The following PYGB variants were observed in gnomAD, a reference collection of about 807,000 sequenced individuals.
The protein encoded by PYGB is glycogen phosphorylase B, also known as glycogen phosphorylase, brain form.
PYGB carries 82 observed loss-of-function variants against 94.3 expected under a neutral mutation model. The observed-to-expected ratio is 0.87, with a 90% CI of 0.73 to 1.04. The LOEUF (loss-of-function observed/expected upper bound fraction) is 1.04, where lower values mean the gene tolerates loss of function less well. PYGB is among the 50% of genes least tolerant of loss of function. The pLI is 0.00. For missense variants in PYGB, 1,132 were observed against 1,158.2 expected (o/e 0.98, Z 0.33); for synonymous variants, 488 against 479.1 (o/e 1.02, Z -0.24).
At chr20:25,264,870 C>A (rs973581067) in intron 2 of PYGB, among the ~76,000 whole-genome samples, 3 of 152,154 alleles carry the variant, frequency 2.0e-5, no homozygotes, top group African/African-American at 7.2e-5. Flanking sequence ...TTTATAGATT[C>A]AACGCCATCC....
Position 25,248,404 on chromosome 20 carries a change from T to A in PYGB, c.226T>A (p.Tyr76Asn). ...CTGGATCCGCACGCAGCAGCACTAC[T>A]ACGAGCGCGACCCCAAGGTGAGGCG... is the stretch of plus-strand genomic sequence containing the variant. ...GRWIRTQQHY[Y>N]ERDPKRIYYL... Residue 76 changes from tyrosine to asparagine, a missense_variant, in exon 1 of 20, where the codon TAC (tyrosine) becomes AAC (asparagine). Tyr to Asn is a moderately radical substitution (Grantham distance 143). Coordinates refer to ENST00000216962, the MANE Select transcript of PYGB (RefSeq NM_002862.4). 6.4e-7 allele frequency: 1 copy of A among 1,551,384 alleles called. No homozygotes were observed. Among genetic ancestry groups the A allele is most frequent in the Non-Finnish European group, 8.7e-7 (1 of 1,148,386 alleles).
chr20:25,249,272 A>G (rs575406941), intron 1 of PYGB, among the ~76,000 whole-genome samples: 71 of 152,336 alleles, frequency 4.7e-4, no homozygotes, highest in Non-Finnish European at 8.2e-4. Flanking sequence ...AAACATTTGT[A>G]ACTTTTTCAC....
intron 15 of PYGB, chr20:25,289,797 A>G (rs2088449281): frequency 1.9e-6 from 1 of 533,132 alleles, no homozygotes; most frequent in Non-Finnish European, 3.9e-6. Context: ...ATACGTCAGC[A>G]TTCCTTTTCA....
rs763681247 is a variant in PYGB, at chr20:25,284,236, G to A, written c.1753G>A (p.Val585Ile). 12 of 1,613,624 alleles carry A rather than the reference G, an allele frequency of 7.4e-6. No individual in the cohort carries two copies. Among genetic ancestry groups the A allele is most frequent in the African/African-American group, 2.7e-5 (2 of 74,914 alleles). Residue 585 changes from valine to isoleucine, a missense_variant, in exon 14 of 20, where the codon GTC becomes ATC. Val to Ile is a conservative substitution (Grantham distance 29). Coordinates refer to ENST00000216962, the MANE Select transcript of PYGB (RefSeq NM_002862.4). ...KRQLLNCLHV[V>I]TLYNRIKRDP... The stretch of plus-strand genomic sequence containing the variant: ...GCAGCTGCTCAACTGCCTGCACGTC[G>A]TCACCCTGTACAATCGTGAGTGCCG...
chr20:25,270,404 G>A (rs561147353), intron 3 of PYGB, among the ~76,000 whole-genome samples: 145 of 151,940 alleles, frequency 9.5e-4, no homozygotes, highest in African/African-American at 3.3e-3. Flanking sequence ...GGGTTTCACC[G>A]TATTAGCCAG....
rs201722174 is a variant in PYGB, at chr20:25,284,133, G to A, written c.1650G>A (p.Leu550=). 3 of 1,614,092 alleles carry A rather than the reference G, an allele frequency of 1.9e-6. No homozygotes were observed. Among genetic ancestry groups the A allele is most frequent in the Admixed American group, 3.3e-5 (2 of 60,018 alleles). Residue 550 remains leucine, a synonymous_variant, in exon 14 of 20, where the codon CTG becomes CTA. Coordinates refer to ENST00000216962, the MANE Select transcript of PYGB (RefSeq NM_002862.4). ...QENKLKFSAF[L]EKEYKVKINP... ...ACAAGCTCAAGTTCTCGGCCTTCCT[G>A]GAGAAGGAGTACAAGGTGAAGATCA...
chr20:25,282,766 G>A (rs76344481), intron 12 of PYGB, among the ~76,000 whole-genome samples: 2 of 152,180 alleles, frequency 1.3e-5, no homozygotes, highest in South Asian at 2.1e-4. Flanking sequence ...AGAGGTGGCC[G>A]AGTGTTTGCA....
chr20:25,278,449 C>G lies in PYGB; in HGVS notation c.986C>G (p.Thr329Arg), dbSNP rs528534058. 5 of 1,614,146 alleles carry G rather than the reference C, an allele frequency of 3.1e-6. No homozygotes were observed. The highest frequency in any genetic ancestry group is 1.7e-5 in the Admixed American group (1 of 60,014). ...GACCCTGTGAGAACCTGTTTCGAGA[C>G]GTTCCCAGACAAGGTGCATGGTGGC... ...CRDPVRTCFE[T>R]FPDKVAIQLN... The change falls in exon 8 of 20, where the codon ACG (threonine) becomes AGG (arginine). Residue 329 changes from threonine (T) to arginine (R), a missense_variant. Thr to Arg is a moderately conservative substitution (Grantham distance 71). Coordinates refer to ENST00000216962, the MANE Select transcript of PYGB (RefSeq NM_002862.4).
In PYGB at chr20:25,259,166, G is replaced by C. The variant is rs536407148; in HGVS notation, c.244-71G>C. On this transcript the variant is annotated intron_variant, in intron 1 of 19. Transcript: ENST00000216962. ...GAGTGGGGGCTTGGCTTCATGGGTC[G>C]TGTCATCTCTGTAACCTTCCTAAAG... The C allele has an allele frequency of 7.7e-5, 102 of 1,324,552 alleles. 1 individual carries two copies. The African/African-American group carries it at 1.4e-3, about 19-fold the overall frequency. 82.0% of individuals were successfully genotyped at this position (1,324,552 alleles called of 1,614,324 possible). A position where few individuals can be genotyped will look rare whatever the true frequency, so the allele number is the denominator to read the frequency against.
At position 25,284,247 on chromosome 20, in the gene PYGB, C is replaced by A; in HGVS notation, c.1764C>A (p.Tyr588Ter). The change falls in exon 14 of 20, where the codon TAC (tyrosine) becomes TAA (stop). Residue 588 changes from tyrosine to a stop codon, truncating the protein, a stop_gained. Coordinates refer to ENST00000216962, the MANE Select transcript of PYGB (RefSeq NM_002862.4). LOFTEE classifies it high-confidence loss of function. ...ACTGCCTGCACGTCGTCACCCTGTA[C>A]AATCGTGAGTGCCGGCATCACCTGC... ...LLNCLHVVTLYNRIKRDPAKA... is the reference protein window; with the variant it reads ...LLNCLHVVTL The A allele has an allele frequency of 2.5e-6, 4 of 1,613,216 alleles. No homozygotes were observed. The highest frequency in any genetic ancestry group is 3.4e-6 in the Non-Finnish European group (4 of 1,179,456).
intron 13 of PYGB, 122 bp from the exon 14 acceptor site, chr20:25,283,982 C>T (rs2088393697): frequency 2.5e-6 from 3 of 1,202,000 alleles, no homozygotes; most frequent in Non-Finnish European, 3.5e-6. Flanking sequence ...TCAGCTCCAG[C>T]CTGTATACCC....
chr20:25,283,387 G>A (rs1370897215), intron 13 of PYGB, 110 bp downstream of exon 13: 2 of 951,160 alleles, frequency 2.1e-6, no homozygotes, highest in African/African-American at 1.6e-5. Context: ...GGTACCCACT[G>A]GGGCTTTAGT....
chr20:25,292,565 T>C lies in PYGB; in HGVS notation c.2129T>C (p.Phe710Ser), dbSNP rs1439944047. The stretch of plus-strand genomic sequence containing the variant: ...GAGGAGGCCGGGGCCGAGAACCTCT[T>C]CATCTTCGGCCTGCGGGTGGAGGAT... ...MAEEAGAENL[F>S]IFGLRVEDVE... The change falls in exon 17 of 20, where the codon TTC becomes TCC. Residue 710 changes from phenylalanine to serine, a missense_variant. Phe to Ser is a radical substitution (Grantham distance 155). Coordinates refer to ENST00000216962, the MANE Select transcript of PYGB (RefSeq NM_002862.4). 5.0e-6 allele frequency: 8 copies of C among 1,613,082 alleles called. No homozygotes were observed. Among genetic ancestry groups the C allele is most frequent in the Non-Finnish European group, 6.8e-6 (8 of 1,180,000 alleles).
rs1453819607 is a variant in PYGB, at chr20:25,280,882, A to G, written c.1240-67A>G. 4 of 1,547,336 alleles carry G rather than the reference A, an allele frequency of 2.6e-6. No homozygotes were observed. In the African/African-American group the frequency reaches 4.1e-5, roughly 16 times the overall value. On this transcript the variant is annotated intron_variant, in intron 10 of 19. Coordinates refer to ENST00000216962, the MANE Select transcript of PYGB (RefSeq NM_002862.4). ...GGTGGTCATGGAGTGTCCCCTGGTC[A>G]TGGGGAGTGCTGGGTCTCCGTGGGG...
chr20:25,294,369 C>T (rs2088507394), intron 18 of PYGB, 77 bp downstream of exon 18: 2 of 1,484,908 alleles, frequency 1.3e-6, no homozygotes, highest in Non-Finnish European at 1.8e-6. Flanking sequence ...TTGGATATTC[C>T]ACCTTGTTTG....
intron 17 of PYGB, 167 bp from the exon 18 acceptor site, chr20:25,293,991 G>A (rs2088500594): frequency 1.2e-6 from 1 of 810,454 alleles, no homozygotes; most frequent in Non-Finnish European, 1.9e-6. Flanking sequence ...CCCTGCTCAA[G>A]GGCCTCGTAA....
In PYGB at chr20:25,282,153, T is replaced by C. The variant is rs2261790; in HGVS notation, c.1518+6T>C. 725,494 of 1,603,142 alleles carry C rather than the reference T, an allele frequency of 0.45. 170,848 individuals carry two copies. Among genetic ancestry groups the C allele is most frequent in the East Asian group, 0.92 (41,070 of 44,792 alleles). On this transcript the variant is annotated splice_donor_region_variant and intron_variant, in intron 12 of 19. Transcript: ENST00000216962. ...TGGCCGATACCATCGTGGAGGTGAG[T>C]CCCGGGCCCCACCCGTGCCTGTGGA...
chr20:25,290,586 T>C lies in PYGB; in HGVS notation c.1933T>C (p.Phe645Leu). Residue 645 changes from phenylalanine (F) to leucine (L), a missense_variant, in exon 16 of 20, where the codon TTC becomes CTC. Physicochemically the swap from Phe to Leu is conservative, Grantham distance 22. Coordinates refer to ENST00000216962, the MANE Select transcript of PYGB (RefSeq NM_002862.4). ...TGTGGGTGACAGGTTGAAAGTGATC[T>C]TCCTGGAGAACTACCGTGTGTCCTT... ...PVVGDRLKVI[F>L]LENYRVSLAE... 6.2e-7 allele frequency: 1 copy of C among 1,608,662 alleles called. No homozygotes were observed. The highest frequency in any genetic ancestry group is 8.5e-7 in the Non-Finnish European group (1 of 1,175,318).
At chr20:25,275,931 C>T (rs2088307109) in intron 5 of PYGB, among the ~76,000 whole-genome samples, 1 of 152,226 alleles carries the variant, frequency 6.6e-6, no homozygotes, top group African/African-American at 2.4e-5. Flanking sequence ...ACTGGCAGTG[C>T]CACAGGCACG....
Sources: gnomAD v4.1 joint callset for allele counts (sites outside exome capture counted in the v4.1 genomes callset) on GRCh38, gnomAD v4.1.1 for gene constraint, MANE v1.5 for transcripts, NCBI Gene and HGNC (gene_info 2026-07-23, HGNC 2026-07-21) for gene names.